The following FARP1 variants were observed in gnomAD, a reference collection of about 807,000 sequenced individuals.
FARP1 encodes FERM, ARH/RhoGEF and pleckstrin domain protein 1.
Under a neutral mutation model 128.8 loss-of-function variants are expected in FARP1, and 52 were observed. That is an observed-to-expected ratio of 0.40 (90% confidence interval 0.32 to 0.51). The LOEUF (loss-of-function observed/expected upper bound fraction) is 0.51. FARP1 is among the 20% of genes least tolerant of loss of function. FARP1 has a pLI of 0.45. For synonymous variants in FARP1, 580 were observed against 551.8 expected (o/e 1.05, Z -0.72); for missense variants, 1,333 against 1,367.9 (o/e 0.97, Z 0.40).
intron 1 of FARP1, among the ~76,000 whole-genome samples, chr13:98,169,785 G>A (rs541093189): frequency 7.9e-5 from 12 of 151,962 alleles, no homozygotes; most frequent in African/African-American, 2.9e-4. Context: ...CATGTACTTC[G>A]GTGTAGATCC....
intron 3 of FARP1, among the ~76,000 whole-genome samples, chr13:98,355,479 C>A (rs1320649074): frequency 6.6e-6 from 1 of 152,164 alleles, no homozygotes; most frequent in East Asian, 1.9e-4. Context: ...CACAGACCAA[C>A]AAGCAGCATC....
chr13:98,328,942 G>T (rs543090654), intron 2 of FARP1: 15 of 152,274 alleles, frequency 9.9e-5, no homozygotes, highest in Non-Finnish European at 1.9e-4. Flanking sequence ...ATTTAAAATT[G>T]ACGAAGGGTA....
chr13:98,451,784 A>C lies in FARP1; in HGVS notation c.*3467A>C, dbSNP rs1893206491. ...CAACAGCTGCTGCACGAACCCTCCC[A>C]CTCCAGAAACCCAGAGATTTTCCCC... On this transcript the variant is annotated 3_prime_UTR_variant, in exon 27 of 27. Coordinates refer to ENST00000319562, the MANE Select transcript of FARP1 (RefSeq NM_005766.4). 6.6e-6 allele frequency: 1 copy of C among 152,294 alleles called. No homozygotes were observed. The highest frequency in any genetic ancestry group is 2.4e-5 in the African/African-American group (1 of 41,450). The allele number at this position is 152,294 out of a possible 1,614,324, so 9.4% of individuals were successfully genotyped here. A position where few individuals can be genotyped will look rare whatever the true frequency, so the allele number is the denominator to read the frequency against.
intron 3 of FARP1, among the ~76,000 whole-genome samples, chr13:98,353,134 C>T (rs1160874496): frequency 6.6e-6 from 1 of 152,088 alleles, no homozygotes; most frequent in Non-Finnish European, 1.5e-5. Context: ...TCATGAGTCT[C>T]AAGGCTAGAG....
chr13:98,406,354 A>T (rs1156917889), intron 13 of FARP1: 3 of 152,198 alleles, frequency 2.0e-5, no homozygotes, highest in Non-Finnish European at 2.9e-5. Flanking sequence ...ATGCAGCTCA[A>T]ATTAGCAAAA....
intron 2 of FARP1, among the ~76,000 whole-genome samples, chr13:98,326,365 T>C (rs113317395): frequency 6.6e-6 from 1 of 152,232 alleles, no homozygotes; most frequent in Non-Finnish European, 1.5e-5. Context: ...AAGCATACAG[T>C]TCAGTAGCTT....
At chr13:98,163,929 G>A (rs1877062159) in intron 1 of FARP1, among the ~76,000 whole-genome samples, 2 of 152,020 alleles carry the variant, frequency 1.3e-5, no homozygotes, top group Non-Finnish European at 2.9e-5. Context: ...GGCTGGTCTT[G>A]AACTCCTGAC....
In FARP1 at chr13:98,449,217, T is replaced by C. The variant is rs1893061244; in HGVS notation, c.*900T>C. On this transcript the variant is annotated 3_prime_UTR_variant, in exon 27 of 27. Coordinates refer to ENST00000319562, the MANE Select transcript of FARP1 (RefSeq NM_005766.4). ...CTGCTGGCTGCAGAGCACTATGAAA[T>C]CATGGTACGTAGTCCCCGGCACCTG... The C allele has an allele frequency of 6.6e-6, 1 of 152,254 alleles. No homozygotes were observed. Among genetic ancestry groups the C allele is most frequent in the Non-Finnish European group, 1.5e-5 (1 of 68,066 alleles). 9.4% of individuals were successfully genotyped at this position (152,254 alleles called of 1,614,324 possible).
intron 8 of FARP1, among the ~76,000 whole-genome samples, chr13:98,387,836 T>C (rs1890157463): frequency 6.6e-6 from 1 of 152,204 alleles, no homozygotes; most frequent in African/African-American, 2.4e-5. Context: ...AGGGAGTTGA[T>C]TGCAAACCTG....
chr13:98,374,647 T>C (rs1889501983), intron 5 of FARP1, among the ~76,000 whole-genome samples: 1 of 152,190 alleles, frequency 6.6e-6, no homozygotes, highest in Non-Finnish European at 1.5e-5. Context: ...TGTTCCTCTA[T>C]CCTTTGTATT....
At chr13:98,364,490 A>G (rs1021025392) in intron 3 of FARP1, among the ~76,000 whole-genome samples, 2 of 152,216 alleles carry the variant, frequency 1.3e-5, no homozygotes, top group African/African-American at 4.8e-5. Context: ...TTTGTAAATT[A>G]TCTGTGGTTC....
Position 98,431,150 on chromosome 13 carries a change from G to A in FARP1, c.2013G>A (p.Gln671=). The change falls in exon 18 of 27, where the codon CAG becomes CAA. Residue 671 remains glutamine, a synonymous_variant. Transcript: ENST00000319562. ...ACTTCTGCAGAGACTTTGAGCTGCA[G>A]AAGGTGTGTTACCTACCGCTCAACA... The part of the protein sequence containing the change: ...LENFCRDFEL[Q]KVCYLPLNTF... 6.2e-7 allele frequency: 1 copy of A among 1,614,132 alleles called. No individual in the cohort carries two copies. Among genetic ancestry groups the A allele is most frequent in the East Asian group, 2.2e-5 (1 of 44,872 alleles).
rs542218515 is a variant in FARP1 at position 98,197,106 on chromosome 13, A to G, written c.-23-16114A>G. ...CTTTTCCCAACTTGAAGGAAGCCCT[A>G]TCATTTCTAATTTACTGAATTTGGT... On this transcript the variant is annotated intron_variant, in intron 1 of 26. Transcript: ENST00000319562. 3.9e-5 allele frequency among the ~76,000 whole-genome samples: 6 copies of G among 152,304 alleles called. 1 individual carries two copies. Among genetic ancestry groups the G allele is most frequent in the African/African-American group, 1.4e-4 (6 of 41,574 alleles).
At position 98,232,145 on chromosome 13, in the gene FARP1, GTT is replaced by G. The variant is rs59209045; in HGVS notation, c.171+18752_171+18753del. 7.8e-4 allele frequency among the ~76,000 whole-genome samples: 83 copies of G among 105,770 alleles called. 1 individual carries two copies. The highest frequency in any genetic ancestry group is 2.8e-3 in the African/African-American group (74 of 26,152). 69.4% of individuals were successfully genotyped at this position (105,770 alleles called of 152,430 possible). Reference sequence around the variant, plus strand: ...GTGCCCGGCTTTTTTTGTTTGGTTGGTTTTTTTTTTTTTTTTTTTTTGCTTAA... The same window carrying G: ...GTGCCCGGCTTTTTTTGTTTGGTTGGTTTTTTTTTTTTTTTTTTTGCTTAA... On this transcript the variant is annotated intron_variant, in intron 2 of 26. Transcript: ENST00000319562.
At chr13:98,261,215 C>T (rs553390260) in intron 2 of FARP1, among the ~76,000 whole-genome samples, 21 of 152,182 alleles carry the variant, frequency 1.4e-4, no homozygotes, top group Non-Finnish European at 2.2e-4. Flanking sequence ...CCTGAGGCAG[C>T]GAGAGAGGAG....
intron 2 of FARP1, among the ~76,000 whole-genome samples, chr13:98,240,869 C>A (rs1882728310): frequency 6.6e-6 from 1 of 152,186 alleles, no homozygotes. Flanking sequence ...TTTAGTAGAA[C>A]CCGGAAACCT....
intron 1 of FARP1, among the ~76,000 whole-genome samples, chr13:98,185,219 C>T (rs550261511): frequency 1.4e-4 from 20 of 148,108 alleles, no homozygotes; most frequent in African/African-American, 4.9e-4. Flanking sequence ...TAATCCATAT[C>T]TTTATATAAT....
At chr13:98,348,322 T>C (rs917520780) in intron 3 of FARP1, among the ~76,000 whole-genome samples, 24 of 152,208 alleles carry the variant, frequency 1.6e-4, no homozygotes, top group African/African-American at 5.5e-4. Context: ...TTTAAAAGTA[T>C]AGATTGAGCT....
rs751116507 is a variant in FARP1 at position 98,446,824 on chromosome 13, A to G, written c.3056+7A>G. 8 of 1,613,560 alleles carry G rather than the reference A, an allele frequency of 5.0e-6. No homozygotes were observed. Among genetic ancestry groups the G allele is most frequent in the Admixed American group, 3.3e-5 (2 of 59,966 alleles). On this transcript the variant is annotated splice_region_variant and intron_variant, in intron 26 of 26. Coordinates refer to ENST00000319562, the MANE Select transcript of FARP1 (RefSeq NM_005766.4). ...GCGAGTACACGTTCGAAAGGTAGAC[A>G]CCCCCTTCCCACGCACAGGGCCCTG...
Sources: gnomAD v4.1 joint callset for allele counts (sites outside exome capture counted in the v4.1 genomes callset) on GRCh38, gnomAD v4.1.1 for gene constraint, MANE v1.5 for transcripts, NCBI Gene and HGNC (gene_info 2026-07-23, HGNC 2026-07-21) for gene names.